Variants in LCN8 observed in about 807,000 individuals in gnomAD.
LCN8 encodes lipocalin 8, also known as epididymal-specific lipocalin-8.
In LCN8, 16 loss-of-function variants were observed where a neutral mutation model predicts 22.8. That is an observed-to-expected ratio of 0.70 (90% confidence interval 0.47 to 1.06). The LOEUF (loss-of-function observed/expected upper bound fraction) is 1.06, where lower values mean the gene tolerates loss of function less well. LCN8 is among the 50% of genes least tolerant of loss of function. The probability of loss-of-function intolerance (pLI) is 0.00; values close to 1 mark genes in which losing one functional copy is unlikely to be tolerated. For missense variants in LCN8, 189 were observed against 203.3 expected, an observed-to-expected ratio of 0.93 and a Z score of 0.43; for synonymous variants, 92 against 83.4, an observed-to-expected ratio of 1.10 and a Z score of -0.56.
intron 3 of LCN8, 156 bp downstream of exon 3, chr9:136,756,366 T>G (rs1284222087): frequency 6.4e-7 from 1 of 1,572,774 alleles, no homozygotes; most frequent in Non-Finnish European, 8.6e-7. Flanking sequence ...CAGGGAATAG[T>G]TCAGGGAACA....
intron 1 of LCN8, 25 bp downstream of exon 1, chr9:136,757,882 C>A: frequency 6.2e-7 from 1 of 1,613,698 alleles, no homozygotes; most frequent in Non-Finnish European, 8.5e-7. Flanking sequence ...AGGAGGAGCC[C>A]CACCAACTAA....
In LCN8 at chr9:136,755,246, G is replaced by A; in HGVS notation, c.419C>T (p.Pro140Leu). The change falls in exon 5 of 7, where the codon CCT (proline) becomes CTT (leucine). Residue 140 changes from proline to leucine, a missense_variant and splice_region_variant. Coordinates refer to ENST00000371688, the MANE Select transcript of LCN8 (RefSeq NM_178469.4). Reference sequence around the variant, plus strand: ...CACCCCAAGGCCCCTGGGCTCACCAGGCCGGGCCGCCAGGTAGAGACCAGT... The same window carrying A: ...CACCCCAAGGCCCCTGGGCTCACCAAGCCGGGCCGCCAGGTAGAGACCAGT... The part of the protein sequence containing the change: ...ADTGLYLAAR[P>L]GRCAELLKEE... 3 of 1,612,718 alleles carry A rather than the reference G, an allele frequency of 1.9e-6. No homozygotes were observed. The highest frequency in any genetic ancestry group is 2.5e-6 in the Non-Finnish European group (3 of 1,179,932).
At position 136,757,101 on chromosome 9, in the gene LCN8, C is replaced by G; in HGVS notation, c.92G>C (p.Arg31Pro). The G allele has an allele frequency of 1.2e-6, 2 of 1,613,512 alleles. No homozygotes were observed. Among genetic ancestry groups the G allele is most frequent in the Non-Finnish European group, 1.7e-6 (2 of 1,179,810 alleles). Reference protein sequence around the residue: ...DQSLVLTAPKRVEGLFLTLSG... With the variant: ...DQSLVLTAPKPVEGLFLTLSG... ...CAAGGTGAGGAACAAGCCCTCCACCCGCTTCGGGGCCGTCAGCACCAGGCT... is the reference window on the plus strand; with the variant it reads ...CAAGGTGAGGAACAAGCCCTCCACCGGCTTCGGGGCCGTCAGCACCAGGCT... Residue 31 changes from arginine (R) to proline (P), a missense_variant, in exon 2 of 7, where the codon CGG (arginine) becomes CCG (proline). By Grantham distance (103) the Arg-to-Pro change is moderately radical. Coordinates refer to ENST00000371688, the MANE Select transcript of LCN8 (RefSeq NM_178469.4).
At chr9:136,755,214 C>T (rs879466) in intron 5 of LCN8, 30 bp downstream of exon 5, 33,378 of 1,610,792 alleles carry the variant, frequency 0.021, 420 homozygotes, top group Non-Finnish European at 0.025. Flanking sequence ...GGGCCCAGCC[C>T]AGCCTCCACC....
At chr9:136,756,096 G>T (rs1311652883) in intron 3 of LCN8, 1 of 1,121,240 alleles carries the variant, frequency 8.9e-7, no homozygotes, top group African/African-American at 1.7e-5. Context: ...AACAGCATGG[G>T]GAACAGTGCA....
intron 3 of LCN8, chr9:136,756,261 A>C: frequency 6.9e-7 from 1 of 1,453,720 alleles, no homozygotes; most frequent in Non-Finnish European, 9.1e-7. Context: ...GGAATGGCGC[A>C]GAGAAAAGTG....
Position 136,757,040 on chromosome 9 carries a change from G to A in LCN8, c.153C>T (p.Asn51=), listed in dbSNP as rs151302362. ...GSNLTVKVAY[N]SSGSCEIEKI... is the part of the protein sequence containing the mutation. ...CCAGCAGCCCCCAGGCCTCTTACCT[G>A]TTATATGCAACCTTCACGGTCAGGT... Residue 51 remains asparagine (N), a splice_region_variant and synonymous_variant, in exon 2 of 7, where the codon AAC becomes AAT. Coordinates refer to ENST00000371688, the MANE Select transcript of LCN8 (RefSeq NM_178469.4). 208 of 1,613,100 alleles carry A rather than the reference G, an allele frequency of 1.3e-4. No homozygotes were observed. In the African/African-American group the frequency reaches 2.3e-3, roughly 18 times the overall value.
chr9:136,757,546 G>C, intron 1 of LCN8: 1 of 1,367,672 alleles, frequency 7.3e-7, no homozygotes, highest in Non-Finnish European at 9.4e-7. Flanking sequence ...AGTGAGAAAC[G>C]CCAGAGAACA....
rs1343136045 is a variant in LCN8 at position 136,755,507 on chromosome 9, T to C, written c.236A>G (p.Glu79Gly). 6.2e-7 allele frequency: 1 copy of C among 1,612,258 alleles called. No individual in the cohort carries two copies. Among genetic ancestry groups the C allele is most frequent in the Non-Finnish European group, 8.5e-7 (1 of 1,179,638 alleles). The change falls in exon 4 of 7, where the codon GAG becomes GGG. Residue 79 changes from glutamate (E) to glycine (G), a missense_variant. By Grantham distance (98) the Glu-to-Gly change is moderately conservative. Transcript: ENST00000371688. Reference protein sequence around the residue: ...TGKFAFPGHREIHVLDTDYEG... With the variant: ...TGKFAFPGHRGIHVLDTDYEG... The stretch of plus-strand genomic sequence containing the variant: ...GTAGTCGGTGTCCAGCACGTGGATC[T>C]CTCTGTGGCCTTCAAGAGCCGGCCA...
At chr9:136,757,459 A>G (rs1847235706) in intron 1 of LCN8, 2 of 1,359,856 alleles carry the variant, frequency 1.5e-6, no homozygotes, top group South Asian at 3.3e-5. Context: ...GTCGGGAGGA[A>G]CCACAGGCCC....
chr9:136,756,594 T>A lies in LCN8; in HGVS notation c.156-2A>T. ...TTCTCTATCTCACAGCTTCCTGAGC[T>A]GAAAGGCAGCAAAGTGCCCATCGGT... is the stretch of plus-strand genomic sequence containing the variant. On this transcript the variant is annotated splice_acceptor_variant, in intron 2 of 6. Coordinates refer to ENST00000371688, the MANE Select transcript of LCN8 (RefSeq NM_178469.4). LOFTEE classifies it high-confidence loss of function. 1.9e-6 allele frequency: 3 copies of A among 1,612,974 alleles called. No homozygotes were observed.
rs756275210 is a variant in LCN8 at position 136,756,521 on chromosome 9, C to T, written c.226+1G>A. On this transcript the variant is annotated splice_donor_variant, in intron 3 of 6. Coordinates refer to ENST00000371688, the MANE Select transcript of LCN8 (RefSeq NM_178469.4). LOFTEE classifies it high-confidence loss of function. ...TGCCATCACAGGGCAACTGCACTTA[C>T]CAGGAAAAGCGAATTTTCCCGTACT... 2.4e-5 allele frequency: 39 copies of T among 1,614,152 alleles called. 1 individual carries two copies. In the South Asian group the frequency reaches 4.2e-4, roughly 17 times the overall value.
chr9:136,757,356 C>G (rs1243294475), intron 1 of LCN8, 188 bp from the exon 2 acceptor site: 2 of 1,436,194 alleles, frequency 1.4e-6, no homozygotes, highest in African/African-American at 2.9e-5. Flanking sequence ...CCAAGCGGTG[C>G]CTTCAGGCCA....
At chr9:136,756,412 A>C (rs752734018) in intron 3 of LCN8, 110 bp downstream of exon 3, 1 of 1,608,164 alleles carries the variant, frequency 6.2e-7, no homozygotes, top group Non-Finnish European at 8.5e-7. Flanking sequence ...CACAGAGAAC[A>C]GTGCAGGGAA....
intron 6 of LCN8, 21 bp from the exon 7 acceptor site, chr9:136,754,530 G>T: frequency 4.5e-6 from 7 of 1,551,256 alleles, no homozygotes; most frequent in Non-Finnish European, 6.1e-6. Context: ...GAAGTGCAGG[G>T]GCTCAGGCCC....
rs1402680467 is a variant in LCN8, at chr9:136,756,555, C to G, written c.193G>C (p.Glu65Gln). ...SCEIEKIVGSEIDSTGKFAFP... is the reference protein window; with the variant it reads ...SCEIEKIVGSQIDSTGKFAFP... ...GCGAATTTTCCCGTACTGTCTATTT[C>G]TGAGCCCACGATCTTCTCTATCTCA... The change falls in exon 3 of 7, where the codon GAA becomes CAA. Residue 65 changes from glutamate to glutamine, a missense_variant. Transcript: ENST00000371688. The G allele has an allele frequency of 6.2e-7, 1 of 1,614,074 alleles. No individual in the cohort carries two copies. The highest frequency in any genetic ancestry group is 8.5e-7 in the Non-Finnish European group (1 of 1,180,024).
At position 136,757,798 on chromosome 9, in the gene LCN8, C is replaced by T. The variant is rs569457769; in HGVS notation, c.24+109G>A. The T allele has an allele frequency of 5.2e-5, 83 of 1,605,278 alleles. 1 individual carries two copies. The South Asian group carries it at 5.8e-4, about 11-fold the overall frequency. On this transcript the variant is annotated intron_variant, in intron 1 of 6. Transcript: ENST00000371688. ...ATGCCGCTAACAGGAAGTGTCTAGC[C>T]GGGCACCAGCGTCCCCACGAGCTCC... is the stretch of plus-strand genomic sequence containing the variant.
Position 136,755,283 on chromosome 9 carries a change from G to A in LCN8, c.382C>T (p.Leu128=), listed in dbSNP as rs367779166. 57 of 1,611,560 alleles carry A rather than the reference G, an allele frequency of 3.5e-5. No homozygotes were observed. The African/African-American group carries it at 6.7e-4, about 19-fold the overall frequency. Residue 128 remains leucine, a synonymous_variant, in exon 5 of 7, where the codon CTG becomes TTG. Coordinates refer to ENST00000371688, the MANE Select transcript of LCN8 (RefSeq NM_178469.4). ...AGGTAGAGACCAGTGTCTGCTGTCAGCTCCCGAAACTTCCAGAACCCCAGC... is the reference window on the plus strand; with the variant it reads ...AGGTAGAGACCAGTGTCTGCTGTCAACTCCCGAAACTTCCAGAACCCCAGC... ...DRLGFWKFRE[L]TADTGLYLAA...
upstream of LCN8, chr9:136,758,297 G>C (rs1381252478): frequency 1.7e-6 from 2 of 1,180,166 alleles, no homozygotes; most frequent in African/African-American, 3.1e-5. Context: ...ACACCACCTG[G>C]GGCTCGGTGA....
Sources: gnomAD v4.1 joint callset for allele counts on GRCh38, gnomAD v4.1.1 for gene constraint, MANE v1.5 for transcripts, NCBI Gene and HGNC (gene_info 2026-07-23, HGNC 2026-07-21) for gene names.